The following GPC6 variants were observed in gnomAD, a reference collection of about 807,000 sequenced individuals.
GPC6 encodes the protein glypican-6.
Under a neutral mutation model 55.2 loss-of-function variants are expected in GPC6, and 14 were observed. The observed-to-expected ratio is 0.25, with a 90% CI of 0.17 to 0.40. The LOEUF (loss-of-function observed/expected upper bound fraction) is 0.40. Ranked by LOEUF, GPC6 falls within the 10% of genes least tolerant of loss-of-function variation. The probability of loss-of-function intolerance (pLI) is 1.00; values close to 1 mark genes in which losing one functional copy is unlikely to be tolerated. For missense variants in GPC6, 641 were observed against 708.5 expected (o/e 0.90, Z 1.08); for synonymous variants, 278 against 259.6 (o/e 1.07, Z -0.68).
chr13:93,298,869 G>T (rs909782227), intron 1 of GPC6, among the ~76,000 whole-genome samples: 1 of 149,854 alleles, frequency 6.7e-6, no homozygotes, highest in Non-Finnish European at 1.5e-5. Context: ...AATCCCTTCC[G>T]TTGGTACCAC....
intron 3 of GPC6, among the ~76,000 whole-genome samples, chr13:93,972,974 T>G (rs1175173744): frequency 6.6e-6 from 1 of 150,978 alleles, no homozygotes; most frequent in Non-Finnish European, 1.5e-5. Flanking sequence ...TCCCTCTCTG[T>G]CTCTCTCTCT....
At chr13:93,487,436 G>T (rs1879770394) in intron 1 of GPC6, among the ~76,000 whole-genome samples, 3 of 152,078 alleles carry the variant, frequency 2.0e-5, no homozygotes, top group Admixed American at 2.0e-4. Context: ...CATAGCGCCT[G>T]CTAGTAAACG....
intron 1 of GPC6, among the ~76,000 whole-genome samples, chr13:93,324,225 T>C (rs948296127): frequency 6.6e-6 from 1 of 151,902 alleles, no homozygotes; most frequent in Admixed American, 6.6e-5. Context: ...TCTCACTTAT[T>C]TGTGGGGTCT....
chr13:93,682,565 G>A (rs1298332232), intron 2 of GPC6, among the ~76,000 whole-genome samples: 1 of 152,086 alleles, frequency 6.6e-6, no homozygotes, highest in Non-Finnish European at 1.5e-5. Flanking sequence ...AGCTCCATAT[G>A]TCTATAAAAC....
chr13:94,037,249 C>T (rs995863003), intron 4 of GPC6, among the ~76,000 whole-genome samples: 1 of 151,804 alleles, frequency 6.6e-6, no homozygotes, highest in African/African-American at 2.4e-5. Context: ...CAATTAAATC[C>T]CTGTGGCTGA....
chr13:93,645,518 A>G (rs1028159756), intron 2 of GPC6, among the ~76,000 whole-genome samples: 1 of 152,144 alleles, frequency 6.6e-6, no homozygotes, highest in Non-Finnish European at 1.5e-5. Context: ...TAGCCTGAAG[A>G]GTGATCATTT....
intron 6 of GPC6, among the ~76,000 whole-genome samples, chr13:94,315,277 A>C (rs1876463718): frequency 6.6e-6 from 1 of 152,236 alleles, no homozygotes; most frequent in South Asian, 2.1e-4. Flanking sequence ...GGACCAGGCC[A>C]GGCAAGGCCA....
At chr13:93,415,630 C>T (rs1338596546) in intron 1 of GPC6, among the ~76,000 whole-genome samples, 1 of 152,128 alleles carries the variant, frequency 6.6e-6, no homozygotes, top group Non-Finnish European at 1.5e-5. Flanking sequence ...ACCATGCTTT[C>T]TAGCACCAAT....
intron 3 of GPC6, among the ~76,000 whole-genome samples, chr13:93,967,859 C>G (rs1880115244): frequency 6.6e-6 from 1 of 151,816 alleles, no homozygotes; most frequent in Admixed American, 6.6e-5. Flanking sequence ...TTATTACTAC[C>G]TCAGAGACTA....
chr13:93,949,653 G>T (rs1369536507), intron 3 of GPC6, among the ~76,000 whole-genome samples: 1 of 152,160 alleles, frequency 6.6e-6, no homozygotes, highest in Non-Finnish European at 1.5e-5. Flanking sequence ...AAATGTCTAA[G>T]AAAGTATAAT....
chr13:94,273,460 A>C (rs1892106725), intron 4 of GPC6, among the ~76,000 whole-genome samples: 1 of 152,244 alleles, frequency 6.6e-6, no homozygotes, highest in African/African-American at 2.4e-5. Context: ...GAGAGACTTA[A>C]AGAGAAGCTT....
At position 94,214,078 on chromosome 13, in the gene GPC6, G is replaced by T. The variant is rs1475441089; in HGVS notation, c.878-72271G>T. 3.9e-5 allele frequency among the ~76,000 whole-genome samples: 6 copies of T among 152,204 alleles called. No individual in the cohort carries two copies. The East Asian group carries it at 7.7e-4, about 19-fold the overall frequency. The stretch of plus-strand genomic sequence containing the variant: ...ATATTGTCAGTCTCTTAGGATTTGA[G>T]TTTTGGACTGAAGTTATCTAACTGT... On this transcript the variant is annotated intron_variant, in intron 4 of 8. Coordinates refer to ENST00000377047, the MANE Select transcript of GPC6 (RefSeq NM_005708.5).
chr13:93,587,311 A>G (rs985042326), intron 2 of GPC6, among the ~76,000 whole-genome samples: 4 of 152,186 alleles, frequency 2.6e-5, no homozygotes, highest in African/African-American at 9.7e-5. Context: ...TAAACTGCAT[A>G]GAGCAATGCC....
At chr13:94,397,501 G>A (rs903868292) in intron 7 of GPC6, among the ~76,000 whole-genome samples, 6 of 151,900 alleles carry the variant, frequency 3.9e-5, no homozygotes, top group African/African-American at 9.7e-5. Context: ...CTACCTAATC[G>A]AACCCAAGAT....
At chr13:93,438,060 T>C (rs372073876) in intron 1 of GPC6, among the ~76,000 whole-genome samples, 1 of 152,148 alleles carries the variant, frequency 6.6e-6, no homozygotes, top group East Asian at 1.9e-4. Flanking sequence ...GGATTGACAG[T>C]GCACCTGTTT....
chr13:93,322,738 C>A (rs1879501365), intron 1 of GPC6, among the ~76,000 whole-genome samples: 1 of 151,932 alleles, frequency 6.6e-6, no homozygotes, highest in African/African-American at 2.4e-5. Flanking sequence ...CCACACCTGG[C>A]CTAAGTTAAT....
At chr13:94,021,093 G>A (rs1179712260) in intron 3 of GPC6, among the ~76,000 whole-genome samples, 6 of 151,916 alleles carry the variant, frequency 3.9e-5, no homozygotes, top group Non-Finnish European at 5.9e-5. Flanking sequence ...GTGGAAGAAA[G>A]CATCAACTCT....
intron 2 of GPC6, among the ~76,000 whole-genome samples, chr13:93,612,500 AACACACACACACACACAC>A (rs3138575): frequency 7.2e-6 from 1 of 139,296 alleles, no homozygotes; most frequent in Non-Finnish European, 1.5e-5. Context: ...CTCCGTCTAA[AACACACACACACACACAC>A]ACACACACAC....
At chr13:93,988,344 G>A (rs558901901) in intron 3 of GPC6, among the ~76,000 whole-genome samples, 13 of 152,220 alleles carry the variant, frequency 8.5e-5, no homozygotes, top group Non-Finnish European at 1.0e-4. Flanking sequence ...GACCCTTTGT[G>A]CCAGCCACAT....
Sources: allele counts gnomAD v4.1 joint callset (sites outside exome capture counted in the v4.1 genomes callset), GRCh38; gene constraint gnomAD v4.1.1; transcripts MANE v1.5; gene names NCBI Gene and HGNC (gene_info 2026-07-23, HGNC 2026-07-21).